CERKL: variants seen among roughly 807,000 people sequenced by gnomAD.
CERKL encodes the protein CERK like autophagy regulator.
In CERKL, 61 loss-of-function variants were observed where a neutral mutation model predicts 63.4. The ratio of observed to expected loss-of-function variants is 0.96; its 90% CI spans 0.78 to 1.19. CERKL has a LOEUF of 1.19. CERKL is among the 50% of genes most tolerant of loss of function. The probability of loss-of-function intolerance (pLI) is 0.00; values close to 1 mark genes in which losing one functional copy is unlikely to be tolerated. For missense variants in CERKL, 675 were observed against 655.5 expected (o/e 1.03, Z -0.33); for synonymous variants, 250 against 230.5 (o/e 1.08, Z -0.77).
chr2:181,603,929 T>C lies in CERKL; in HGVS notation c.389A>G (p.Gln130Arg), dbSNP rs1368467104. ...AAGTGTAGAATTCTTTAGTTTATTTTGTTCCTTTTTCAAGCAGATGAAGAG... is the reference window on the plus strand; with the variant it reads ...AAGTGTAGAATTCTTTAGTTTATTTCGTTCCTTTTTCAAGCAGATGAAGAG... The part of the protein sequence containing the change: ...ITLFICLKKE[Q>R]NKLKNSTLDL... Residue 130 changes from glutamine (Q) to arginine (R), a missense_variant, in exon 2 of 13, where the codon CAA becomes CGA. By Grantham distance (43) the Gln-to-Arg change is conservative. Coordinates refer to ENST00000410087, the MANE Select transcript of CERKL (RefSeq NM_201548.5). The C allele has an allele frequency of 3.1e-6, 5 of 1,613,258 alleles. No individual in the cohort carries two copies. Among genetic ancestry groups the C allele is most frequent in the African/African-American group, 1.3e-5 (1 of 74,898 alleles).
chr2:181,600,675 T>C (rs911542989), intron 2 of CERKL, among the ~76,000 whole-genome samples: 1 of 152,096 alleles, frequency 6.6e-6, no homozygotes, highest in Non-Finnish European at 1.5e-5. Flanking sequence ...CCTAAATAAA[T>C]ATGCACTCAA....
At chr2:181,595,213 TA>T (rs148424544) in intron 2 of CERKL, among the ~76,000 whole-genome samples, 27,554 of 150,764 alleles carry the variant, frequency 0.18, 4,000 homozygotes, top group African/African-American at 0.41. Context: ...TATGTGTTTT[TA>T]AAATTCCTTT....
intron 5 of CERKL, among the ~76,000 whole-genome samples, chr2:181,556,150 C>T (rs1688193839): frequency 6.6e-6 from 1 of 152,018 alleles, no homozygotes; most frequent in Non-Finnish European, 1.5e-5. Flanking sequence ...CTCTCTTACC[C>T]TTAATGTCTG....
In CERKL at chr2:181,609,533, TA is replaced by T. The variant is rs869037405; in HGVS notation, c.239-5455del. Among the ~76,000 whole-genome samples the T allele has an allele frequency of 2.0e-3, 138 of 70,224 alleles. 1 individual carries two copies. Among genetic ancestry groups the T allele is most frequent in the South Asian group, 5.4e-3 (7 of 1,304 alleles). 46.1% of individuals were successfully genotyped at this position (70,224 alleles called of 152,430 possible). ...CACCATGGTGAAACCCTGTCTCTAC[TA>T]AAAAAAAAAAAAAAAAAAAAAATTT... is the stretch of plus-strand genomic sequence containing the variant. On this transcript the variant is annotated intron_variant, in intron 1 of 12. Coordinates refer to ENST00000410087, the MANE Select transcript of CERKL (RefSeq NM_201548.5).
chr2:181,632,288 G>T (rs535111094), intron 1 of CERKL, among the ~76,000 whole-genome samples: 8 of 152,234 alleles, frequency 5.3e-5, no homozygotes, highest in African/African-American at 1.9e-4. Flanking sequence ...ACAAAGGAAA[G>T]AAATCCAATT....
At chr2:181,607,148 T>C (rs1685753464) in intron 1 of CERKL, among the ~76,000 whole-genome samples, 1 of 152,196 alleles carries the variant, frequency 6.6e-6, no homozygotes, top group Admixed American at 6.5e-5. Context: ...ACATATCCCA[T>C]AGCTTCTGGA....
intron 1 of CERKL, among the ~76,000 whole-genome samples, chr2:181,626,096 T>C (rs1201374511): frequency 6.6e-6 from 1 of 152,176 alleles, no homozygotes; most frequent in East Asian, 1.9e-4. Context: ...GAGTGGCAAA[T>C]TCCAAATTCT....
At chr2:181,578,468 T>TATTCTCTTGGA (rs1318541611) in intron 2 of CERKL, among the ~76,000 whole-genome samples, 8 of 152,070 alleles carry the variant, frequency 5.3e-5, no homozygotes, top group African/African-American at 1.7e-4. Context: ...CCCAGCTAAT[T>TATTCTCTTGGA]TTTATATTTT....
intron 4 of CERKL, among the ~76,000 whole-genome samples, chr2:181,562,348 A>G (rs1229871225): frequency 6.6e-6 from 1 of 152,170 alleles, no homozygotes; most frequent in Non-Finnish European, 1.5e-5. Context: ...CAAAATGTAT[A>G]AAACCAAGTT....
intron 12 of CERKL, 66 bp from the exon 13 acceptor site, chr2:181,538,310 G>A: frequency 3.4e-6 from 3 of 892,224 alleles, no homozygotes; most frequent in Non-Finnish European, 5.6e-6. Flanking sequence ...TAATAAGTAT[G>A]GTACACAATG....
chr2:181,602,497 T>G (rs1685498933), intron 2 of CERKL, among the ~76,000 whole-genome samples: 1 of 152,232 alleles, frequency 6.6e-6, no homozygotes, highest in Admixed American at 6.5e-5. Flanking sequence ...AGAGATAAAC[T>G]AAACTACAGC....
chr2:181,635,367 A>G (rs901842483), intron 1 of CERKL, among the ~76,000 whole-genome samples: 59 of 152,286 alleles, frequency 3.9e-4, no homozygotes, highest in African/African-American at 1.2e-3. Flanking sequence ...ATTTATTTCT[A>G]CTTTTTAAAA....
In CERKL at chr2:181,537,286, C is replaced by T. The variant is rs201346788; in HGVS notation, c.*898G>A. 1.1e-5 allele frequency: 5 copies of T among 453,482 alleles called. No individual in the cohort carries two copies. The highest frequency in any genetic ancestry group is 3.1e-5 in the South Asian group (2 of 64,472). 28.1% of individuals were successfully genotyped at this position (453,482 alleles called of 1,614,324 possible). A position where few individuals can be genotyped will look rare whatever the true frequency, so the allele number is the denominator to read the frequency against. The stretch of plus-strand genomic sequence containing the variant: ...CCTACTCAGAACTACTCAGAAACAA[C>T]TATATATTTCAGGTTATCTGAGCAC... On this transcript the variant is annotated 3_prime_UTR_variant, in exon 13 of 13. Coordinates refer to ENST00000410087, the MANE Select transcript of CERKL (RefSeq NM_201548.5).
chr2:181,546,688 GC>G (rs1687739312), intron 10 of CERKL, among the ~76,000 whole-genome samples: 1 of 152,120 alleles, frequency 6.6e-6, no homozygotes, highest in Non-Finnish European at 1.5e-5. Flanking sequence ...AATATTTTCA[GC>G]CCCATAATGG....
At chr2:181,625,223 T>G (rs1414354081) in intron 1 of CERKL, among the ~76,000 whole-genome samples, 1 of 152,106 alleles carries the variant, frequency 6.6e-6, no homozygotes, top group Non-Finnish European at 1.5e-5. Flanking sequence ...AGACTCTTAG[T>G]AGGTCAAGTC....
rs1225660082 is a variant in CERKL, at chr2:181,536,871, C to CATCTGTTATAGGGAGTGAT, written c.*1294_*1312dup. ...AAGAGAGCTGTGGCCGAATTTTGAA[C>CATCTGTTATAGGGAGTGAT]ATCTGTTATAGGGAGTGATCAAATT... On this transcript the variant is annotated 3_prime_UTR_variant, in exon 13 of 13. Transcript: ENST00000410087. 1 of 431,620 alleles carries CATCTGTTATAGGGAGTGAT rather than the reference C, an allele frequency of 2.3e-6. No homozygotes were observed. The highest frequency in any genetic ancestry group is 1.7e-5 in the South Asian group (1 of 59,104). 26.7% of individuals were successfully genotyped at this position (431,620 alleles called of 1,614,324 possible).
intron 5 of CERKL, among the ~76,000 whole-genome samples, chr2:181,555,000 T>C (rs776174323): frequency 1.3e-4 from 20 of 152,166 alleles, no homozygotes; most frequent in Admixed American, 2.6e-4. Flanking sequence ...CAGGTTAAAA[T>C]GGCATTACTA....
chr2:181,579,246 C>T (rs1684395571), intron 2 of CERKL, among the ~76,000 whole-genome samples: 1 of 150,772 alleles, frequency 6.6e-6, no homozygotes, highest in Non-Finnish European at 1.5e-5. Context: ...CCAATTTACA[C>T]TCTACAAGGA....
intron 5 of CERKL, among the ~76,000 whole-genome samples, chr2:181,554,645 A>C (rs575534083): frequency 6.6e-6 from 1 of 152,254 alleles, no homozygotes; most frequent in Non-Finnish European, 1.5e-5. Context: ...AATGGCCAGC[A>C]GTTCAAATAC....
Sources: gnomAD v4.1 joint callset for allele counts (sites outside exome capture counted in the v4.1 genomes callset) on GRCh38, gnomAD v4.1.1 for gene constraint, MANE v1.5 for transcripts, NCBI Gene and HGNC (gene_info 2026-07-23, HGNC 2026-07-21) for gene names.